UBE2R2: variants seen among roughly 807,000 people sequenced by gnomAD.
UBE2R2 encodes the protein ubiquitin conjugating enzyme E2 R2.
UBE2R2 carries 1 observed loss-of-function variant against 27.8 expected under a neutral mutation model. The ratio of observed to expected loss-of-function variants is 0.04; its 90% CI spans 0.01 to 0.17. UBE2R2 has a LOEUF of 0.17. Ranked by LOEUF, UBE2R2 falls within the 10% of genes least tolerant of loss-of-function variation. UBE2R2 has a pLI of 1.00. For synonymous variants in UBE2R2, 106 were observed against 113.3 expected (o/e 0.94, Z 0.41); for missense variants, 100 against 291.0 (o/e 0.34, Z 4.78).
At chr9:33,916,798 CA>C (rs1475874770) in intron 4 of UBE2R2, among the ~76,000 whole-genome samples, 1 of 152,152 alleles carries the variant, frequency 6.6e-6, no homozygotes, top group Non-Finnish European at 1.5e-5. Flanking sequence ...TTGATATTAA[CA>C]GTGTATTTCC....
At chr9:33,864,839 C>T (rs1263905270) in intron 1 of UBE2R2, among the ~76,000 whole-genome samples, 4 of 151,906 alleles carry the variant, frequency 2.6e-5, no homozygotes, top group Admixed American at 6.6e-5. Flanking sequence ...ATTCTCCCGC[C>T]TCAGCCTCCC....
At chr9:33,828,779 G>C (rs1029700776) in intron 1 of UBE2R2, among the ~76,000 whole-genome samples, 1 of 151,474 alleles carries the variant, frequency 6.6e-6, no homozygotes, top group African/African-American at 2.4e-5. Context: ...TGTTGCCCTG[G>C]CTAGAGTGCG....
rs183539338 is a variant in UBE2R2 at position 33,833,388 on chromosome 9, C to T, written c.177+15454C>T. Among the ~76,000 whole-genome samples, 172 of 152,210 alleles carry T rather than the reference C, an allele frequency of 1.1e-3. 1 individual carries two copies. The highest frequency in any genetic ancestry group is 3.9e-3 in the African/African-American group (164 of 41,536). On this transcript the variant is annotated intron_variant, in intron 1 of 4. Coordinates refer to ENST00000263228, the MANE Select transcript of UBE2R2 (RefSeq NM_017811.4). ...CTAATTTTTGTGTTTTTAGCAGAGA[C>T]GTGGTTTCACCATGTTGGCCAGGTT...
intron 3 of UBE2R2, among the ~76,000 whole-genome samples, chr9:33,901,174 G>T (rs948643781): frequency 2.6e-5 from 4 of 152,150 alleles, no homozygotes; most frequent in African/African-American, 4.8e-5. Flanking sequence ...ATTTTGGGGG[G>T]TACTGATCAG....
rs1825822487 is a variant in UBE2R2, at chr9:33,817,484, A to C, written c.-274A>C. On this transcript the variant is annotated 5_prime_UTR_variant, in exon 1 of 5. Coordinates refer to ENST00000263228, the MANE Select transcript of UBE2R2 (RefSeq NM_017811.4). ...CGGGGGGGGGAGGCCCGGGACCGGG[A>C]CCCGTAGCGAATTCTCCTAACTCCC... 1.2e-5 allele frequency: 2 copies of C among 164,370 alleles called. No homozygotes were observed. The highest frequency in any genetic ancestry group is 2.1e-4 in the South Asian group (1 of 4,858). 10.2% of individuals were successfully genotyped at this position (164,370 alleles called of 1,614,324 possible).
intron 1 of UBE2R2, among the ~76,000 whole-genome samples, chr9:33,863,488 T>C (rs1489446054): frequency 2.0e-5 from 3 of 151,722 alleles, no homozygotes; most frequent in South Asian, 4.2e-4. Flanking sequence ...GCCAGTGTAC[T>C]TCAGCCTGGG....
At chr9:33,901,916 T>TC (rs1822253136) in intron 3 of UBE2R2, among the ~76,000 whole-genome samples, 1 of 150,432 alleles carries the variant, frequency 6.6e-6, no homozygotes, top group African/African-American at 2.4e-5. Context: ...ATATTTCTTT[T>TC]TTTTTTTTTT....
chr9:33,844,515 A>ATTTTTT (rs34578523), intron 1 of UBE2R2, among the ~76,000 whole-genome samples: 2 of 110,142 alleles, frequency 1.8e-5, no homozygotes, highest in Non-Finnish European at 1.8e-5. Flanking sequence ...TCCCACATCT[A>ATTTTTT]TTTTTTTTTT....
rs1825811472 is a variant in UBE2R2 at position 33,817,321 on chromosome 9, G to A, written c.-437G>A. Among the ~76,000 whole-genome samples, 2 of 147,234 alleles carry A rather than the reference G, an allele frequency of 1.4e-5. No individual in the cohort carries two copies. Among genetic ancestry groups the A allele is most frequent in the Non-Finnish European group, 3.0e-5 (2 of 66,378 alleles). ...GCCCCGCGCGCCCTCCGGCCCCTGC[G>A]GCCCCCGAAGAGAACGAGAGGGCGA... On this transcript the variant is annotated 5_prime_UTR_variant, in exon 1 of 5. Coordinates refer to ENST00000263228, the MANE Select transcript of UBE2R2 (RefSeq NM_017811.4).
intron 1 of UBE2R2, among the ~76,000 whole-genome samples, chr9:33,834,781 A>C (rs1264015059): frequency 6.6e-6 from 1 of 151,730 alleles, no homozygotes; most frequent in Non-Finnish European, 1.5e-5. Flanking sequence ...GTGGTGACAC[A>C]TGCCTGTAAT....
chr9:33,825,865 C>T (rs1820304755), intron 1 of UBE2R2, among the ~76,000 whole-genome samples: 1 of 152,136 alleles, frequency 6.6e-6, no homozygotes, highest in East Asian at 1.9e-4. Flanking sequence ...GATGCAGTGG[C>T]TCATGCCTGC....
Position 33,919,595 on chromosome 9 carries a change from G to A in UBE2R2, c.*2358G>A, listed in dbSNP as rs1030207997. ...CCTCTGATGAGTACAATCAGTTCCAGAAGACTGGGTAAGTCTCTTGCTAGC... is the reference window on the plus strand; with the variant it reads ...CCTCTGATGAGTACAATCAGTTCCAAAAGACTGGGTAAGTCTCTTGCTAGC... On this transcript the variant is annotated 3_prime_UTR_variant, in exon 5 of 5. Transcript: ENST00000263228. 2.8e-5 allele frequency: 4 copies of A among 145,008 alleles called. No individual in the cohort carries two copies. The highest frequency in any genetic ancestry group is 1.1e-4 in the African/African-American group (4 of 37,898). The allele number at this position is 145,008 out of a possible 1,614,324, so 9.0% of individuals were successfully genotyped here. A position where few individuals can be genotyped will look rare whatever the true frequency, so the allele number is the denominator to read the frequency against.
intron 1 of UBE2R2, among the ~76,000 whole-genome samples, chr9:33,855,197 A>AT (rs573905158): frequency 5.3e-5 from 8 of 151,912 alleles, no homozygotes; most frequent in South Asian, 4.2e-4. Context: ...CCCTCATGGC[A>AT]TTTTTTTGTC....
intron 1 of UBE2R2, among the ~76,000 whole-genome samples, chr9:33,827,090 ACT>A (rs1216517878): frequency 6.6e-6 from 1 of 151,700 alleles, no homozygotes; most frequent in Non-Finnish European, 1.5e-5. Context: ...CGACAGTGAG[ACT>A]CTGCCTCAAA....
intron 1 of UBE2R2, among the ~76,000 whole-genome samples, chr9:33,869,074 C>A (rs1160843117): frequency 1.3e-5 from 2 of 152,004 alleles, no homozygotes; most frequent in African/African-American, 4.8e-5. Context: ...TCAAGACCAG[C>A]CTGGGCAATA....
At chr9:33,853,179 G>C (rs908823543) in intron 1 of UBE2R2, among the ~76,000 whole-genome samples, 1 of 145,440 alleles carries the variant, frequency 6.9e-6, no homozygotes, top group Admixed American at 7.0e-5. Flanking sequence ...CCTACTATCT[G>C]TACTTGGTTC....
chr9:33,830,234 T>C (rs1032168737), intron 1 of UBE2R2, among the ~76,000 whole-genome samples: 4 of 149,000 alleles, frequency 2.7e-5, no homozygotes, highest in East Asian at 4.1e-4. Flanking sequence ...CTCAGCTCAC[T>C]GCACCTTCCA....
chr9:33,861,847 CTTTTTTTTTTTTT>C (rs775634986), intron 1 of UBE2R2, among the ~76,000 whole-genome samples: 1 of 95,456 alleles, frequency 1.0e-5, no homozygotes, highest in Non-Finnish European at 2.1e-5. Flanking sequence ...GATCCACTTT[CTTTTTTTTTTTTT>C]TTTTTTTTTT....
intron 2 of UBE2R2, among the ~76,000 whole-genome samples, chr9:33,891,047 G>GTTTTTTT (rs1554676109): frequency 1.6e-5 from 2 of 126,410 alleles, no homozygotes; most frequent in Admixed American, 8.3e-5. Context: ...TTGTTGTTGT[G>GTTTTTTT]TTTTTTTGTT....
Sources: allele counts gnomAD v4.1 joint callset (sites outside exome capture counted in the v4.1 genomes callset), GRCh38; gene constraint gnomAD v4.1.1; transcripts MANE v1.5; gene names NCBI Gene and HGNC (gene_info 2026-07-23, HGNC 2026-07-21).